The following RBFOX1 variants were observed in gnomAD, a reference collection of about 807,000 sequenced individuals.
RBFOX1 encodes RNA binding protein fox-1 homolog 1.
Under a neutral mutation model 57.7 loss-of-function variants are expected in RBFOX1, and 8 were observed. That is an observed-to-expected ratio of 0.14 (90% CI 0.08 to 0.25). RBFOX1 has a LOEUF of 0.25. RBFOX1 is among the 10% of genes least tolerant of loss of function. The probability of loss-of-function intolerance (pLI) is 1.00; values close to 1 mark genes in which losing one functional copy is unlikely to be tolerated. For synonymous variants in RBFOX1, 326 were observed against 222.4 expected, an observed-to-expected ratio of 1.47 and a Z score of -4.15; for missense variants, 611 against 548.5, an observed-to-expected ratio of 1.11 and a Z score of -1.14.
intron 3 of RBFOX1, among the ~76,000 whole-genome samples, chr16:6,937,783 G>C (rs1181395129): frequency 2.6e-5 from 4 of 152,092 alleles, no homozygotes; most frequent in Admixed American, 6.6e-5. Context: ...GTAGCCTCCA[G>C]GTAGCAGGCT....
At chr16:6,213,575 G>C (rs528682829) in intron 1 of RBFOX1, among the ~76,000 whole-genome samples, 2 of 152,176 alleles carry the variant, frequency 1.3e-5, no homozygotes, top group African/African-American at 4.8e-5. Flanking sequence ...GAAAAGTTGC[G>C]TAAGTCATGC....
intron 4 of RBFOX1, among the ~76,000 whole-genome samples, chr16:7,348,641 A>T (rs1022444353): frequency 2.0e-5 from 3 of 152,202 alleles, no homozygotes; most frequent in Non-Finnish European, 4.4e-5. Flanking sequence ...AATCCTATAG[A>T]TTACAGAATT....
chr16:7,659,270 C>T (rs575621834), intron 12 of RBFOX1, among the ~76,000 whole-genome samples: 2 of 152,274 alleles, frequency 1.3e-5, no homozygotes, highest in East Asian at 3.9e-4. Flanking sequence ...ACAAATAGAT[C>T]CTTTGGAAAT....
At chr16:6,232,976 C>A (rs187985539) in intron 1 of RBFOX1, among the ~76,000 whole-genome samples, 3 of 152,036 alleles carry the variant, frequency 2.0e-5, no homozygotes, top group Non-Finnish European at 4.4e-5. Context: ...GCAGGGTAGC[C>A]GTACTGTGTA....
At chr16:6,071,437 A>T (rs560244988) in intron 1 of RBFOX1, among the ~76,000 whole-genome samples, 1 of 152,236 alleles carries the variant, frequency 6.6e-6, no homozygotes, top group African/African-American at 2.4e-5. Context: ...TAGGTCGAAT[A>T]CTTGGGTGAC....
intron 4 of RBFOX1, among the ~76,000 whole-genome samples, chr16:7,383,198 T>C (rs2097811493): frequency 6.6e-6 from 1 of 151,712 alleles, no homozygotes; most frequent in South Asian, 2.1e-4. Flanking sequence ...TTATTTCTCA[T>C]GGCATGCCTG....
intron 13 of RBFOX1, among the ~76,000 whole-genome samples, chr16:7,674,385 A>G (rs1597803673): frequency 2.0e-5 from 3 of 152,272 alleles, no homozygotes; most frequent in African/African-American, 4.8e-5. Flanking sequence ...CAAGAGTTCA[A>G]TAGTCATTTA....
chr16:7,619,113 A>C (rs916657307), intron 10 of RBFOX1, among the ~76,000 whole-genome samples: 1 of 152,214 alleles, frequency 6.6e-6, no homozygotes, highest in East Asian at 1.9e-4. Flanking sequence ...TTAATGGGTT[A>C]TACATTTAAA....
rs570443071 is a variant in RBFOX1 at position 7,382,194 on chromosome 16, A to G, written c.28-135953A>G. On this transcript the variant is annotated intron_variant, in intron 4 of 15. Transcript: ENST00000550418. ...CAATATATCACACTTAGCCACTATG[A>G]AGACTCCATTTCAGTAAACTAATTA... 2.0e-5 allele frequency among the ~76,000 whole-genome samples: 3 copies of G among 152,324 alleles called. No homozygotes were observed. In the Middle Eastern group the frequency reaches 0.01, roughly 518 times the overall value.
At chr16:5,987,664 A>G (rs1192366375) in intron 4 of RBFOX1, among the ~76,000 whole-genome samples, 1 of 152,062 alleles carries the variant, frequency 6.6e-6, no homozygotes, top group Non-Finnish European at 1.5e-5. Flanking sequence ...CATCATTCCT[A>G]TGAGTAGCCA....
chr16:6,653,964 G>GA (rs2098624446), intron 2 of RBFOX1, among the ~76,000 whole-genome samples: 1 of 78,662 alleles, frequency 1.3e-5, no homozygotes, highest in African/African-American at 3.9e-5. Context: ...AGGATGGATG[G>GA]TTGGACGGAT....
At chr16:5,944,313 G>C (rs1354512284) in intron 4 of RBFOX1, among the ~76,000 whole-genome samples, 1 of 152,198 alleles carries the variant, frequency 6.6e-6, no homozygotes, top group African/African-American at 2.4e-5. Context: ...GGCGGCTTTT[G>C]AGGTTCTGAA....
At chr16:7,676,604 C>G (rs1400210678) in intron 13 of RBFOX1, among the ~76,000 whole-genome samples, 170 bp from the exon 14 acceptor site, 1 of 152,106 alleles carries the variant, frequency 6.6e-6, no homozygotes, top group Non-Finnish European at 1.5e-5. Context: ...TATTCCACCC[C>G]TTGTTTCTCC....
rs543631239 is a variant in RBFOX1, at chr16:5,516,759, T to C, written c.258+49505T>C. Among the ~76,000 whole-genome samples, 244 of 152,232 alleles carry C rather than the reference T, an allele frequency of 1.6e-3. 1 individual carries two copies. The highest frequency in any genetic ancestry group is 5.4e-3 in the African/African-American group (225 of 41,546). ...CTGTTCTCGAGATAGTGAGTTCTCA[T>C]AAGATCTGTTGGTTTTATAAGGGGC... is the stretch of plus-strand genomic sequence containing the variant. On this transcript the variant is annotated intron_variant, in intron 2 of 2. Coordinates refer to the RBFOX1 transcript ENST00000585867.
At chr16:5,905,165 T>A (rs1216090787) in intron 4 of RBFOX1, among the ~76,000 whole-genome samples, 1 of 148,214 alleles carries the variant, frequency 6.7e-6, no homozygotes, top group African/African-American at 2.5e-5. Context: ...CCTCCTAGAT[T>A]CAAGTGATTC....
At chr16:6,736,883 A>G (rs1362336152) in intron 3 of RBFOX1, among the ~76,000 whole-genome samples, 13 of 152,126 alleles carry the variant, frequency 8.5e-5, no homozygotes, top group Non-Finnish European at 2.9e-5. Context: ...ATTGATTTGG[A>G]GCCTAGGTAT....
chr16:5,971,165 C>T (rs1253110441), intron 4 of RBFOX1, among the ~76,000 whole-genome samples: 5 of 152,236 alleles, frequency 3.3e-5, no homozygotes, highest in South Asian at 2.1e-4. Context: ...ACTCTGCTGG[C>T]TCTGGGGATA....
intron 4 of RBFOX1, among the ~76,000 whole-genome samples, chr16:7,059,276 A>G (rs566957162): frequency 1.3e-5 from 2 of 152,266 alleles, no homozygotes; most frequent in Admixed American, 1.3e-4. Flanking sequence ...AGAAAATGTA[A>G]GCCCCCCTTC....
intron 1 of RBFOX1, among the ~76,000 whole-genome samples, chr16:5,377,806 T>C (rs774447169): frequency 3.3e-5 from 5 of 151,404 alleles, no homozygotes; most frequent in Non-Finnish European, 5.9e-5. Context: ...AAAATAAATA[T>C]GCAAAAAAGC....
Sources: allele counts gnomAD v4.1 joint callset (sites outside exome capture counted in the v4.1 genomes callset), GRCh38; gene constraint gnomAD v4.1.1; transcripts MANE v1.5; gene names NCBI Gene and HGNC (gene_info 2026-07-23, HGNC 2026-07-21).